Variants in ADAMTSL1 observed in about 807,000 individuals in gnomAD.
ADAMTSL1 encodes ADAMTS-like protein 1.
Under a neutral mutation model 201.8 loss-of-function variants are expected in ADAMTSL1, and 126 were observed. The ratio of observed to expected loss-of-function variants is 0.62; its 90% confidence interval spans 0.54 to 0.72. The LOEUF (loss-of-function observed/expected upper bound fraction) is 0.72. ADAMTSL1 is among the 30% of genes least tolerant of loss of function. The pLI, the probability that ADAMTSL1 is intolerant of heterozygous loss-of-function variation, is 0.00. For missense variants in ADAMTSL1, 2,679 were observed against 2,277.8 expected (o/e 1.18, Z -3.59); for synonymous variants, 1,121 against 903.4 (o/e 1.24, Z -4.32).
In ADAMTSL1 at chr9:18,160,277, G is replaced by A. The variant is rs929929866; in HGVS notation, c.88-3585G>A. On this transcript the variant is annotated intron_variant, in intron 1 of 29. Transcript: ENST00000680146. ...CACAAATTCTAGGCAGTCTTCATAT[G>A]TCCTGGAGAACTATCCTTAGGAGTC... 2.0e-5 allele frequency among the ~76,000 whole-genome samples: 3 copies of A among 152,060 alleles called. No homozygotes were observed. The South Asian group carries it at 6.2e-4, about 32-fold the overall frequency.
At chr9:18,290,669 A>G (rs1269854381) in intron 2 of ADAMTSL1, among the ~76,000 whole-genome samples, 2 of 152,068 alleles carry the variant, frequency 1.3e-5, no homozygotes, top group African/African-American at 4.8e-5. Context: ...GTATTAGACT[A>G]GAAAGGAAAA....
intron 19 of ADAMTSL1, among the ~76,000 whole-genome samples, chr9:18,780,476 T>C (rs934140690): frequency 2.0e-5 from 3 of 152,108 alleles, no homozygotes; most frequent in Non-Finnish European, 4.4e-5. Context: ...GCTAAACAGA[T>C]GTATGTACTG....
At chr9:18,874,485 G>T (rs967209082) in intron 23 of ADAMTSL1, among the ~76,000 whole-genome samples, 1 of 151,992 alleles carries the variant, frequency 6.6e-6, no homozygotes, top group South Asian at 2.1e-4. Context: ...TTTGCTGAGG[G>T]TTCTAATCCT....
intron 11 of ADAMTSL1, 48 bp downstream of exon 11, chr9:18,680,564 T>TC: frequency 6.3e-7 from 1 of 1,595,824 alleles, no homozygotes; most frequent in South Asian, 1.1e-5. Context: ...AGTCCACTCT[T>TC]CCCTCTCATC....
At chr9:18,586,901 G>C (rs1025491763) in intron 4 of ADAMTSL1, among the ~76,000 whole-genome samples, 1 of 152,044 alleles carries the variant, frequency 6.6e-6, no homozygotes, top group African/African-American at 2.4e-5. Flanking sequence ...ATATGCAGAA[G>C]ACTGGAACTG....
At chr9:18,775,433 A>G (rs1005324880) in intron 17 of ADAMTSL1, among the ~76,000 whole-genome samples, 3 of 152,232 alleles carry the variant, frequency 2.0e-5, no homozygotes, top group Non-Finnish European at 4.4e-5. Flanking sequence ...AATTTAAGTA[A>G]CTTGCCAACT....
intron 1 of ADAMTSL1, among the ~76,000 whole-genome samples, chr9:17,939,585 C>T (rs1827151944): frequency 6.6e-6 from 1 of 152,038 alleles, no homozygotes; most frequent in African/African-American, 2.4e-5. Flanking sequence ...AGCTTTAGCT[C>T]CTTTAATGAA....
chr9:18,528,415 G>A (rs1453033732), intron 2 of ADAMTSL1, among the ~76,000 whole-genome samples: 4 of 151,912 alleles, frequency 2.6e-5, no homozygotes, highest in Non-Finnish European at 5.9e-5. Context: ...CACCCCTCAC[G>A]TATACATGTG....
At chr9:18,602,836 C>T (rs1448204474) in intron 4 of ADAMTSL1, among the ~76,000 whole-genome samples, 1 of 152,052 alleles carries the variant, frequency 6.6e-6, no homozygotes, top group African/African-American at 2.4e-5. Flanking sequence ...TTAAGTAGGT[C>T]GGACAATGAG....
chr9:18,086,667 G>A (rs1379517051), intron 1 of ADAMTSL1, among the ~76,000 whole-genome samples: 2 of 152,162 alleles, frequency 1.3e-5, no homozygotes, highest in African/African-American at 2.4e-5. Context: ...CGGTAACTGG[G>A]TTGCTTTGGC....
rs77230212 is a variant in ADAMTSL1, at chr9:18,003,600, A to G, written c.87+96678A>G. The stretch of plus-strand genomic sequence containing the variant: ...ATTGTAGTGTGGATGCTTGATGATA[A>G]AAGTCTGACTTTGCTTCTACTCTTG... On this transcript the variant is annotated intron_variant, in intron 1 of 29. Transcript: ENST00000680146. Among the ~76,000 whole-genome samples the G allele has an allele frequency of 4.9e-4, 74 of 152,198 alleles. No individual in the cohort carries two copies. The East Asian group carries it at 0.012, about 25-fold the overall frequency.
chr9:18,324,410 G>T (rs1219567486), intron 2 of ADAMTSL1, among the ~76,000 whole-genome samples: 2 of 117,798 alleles, frequency 1.7e-5, no homozygotes, highest in Admixed American at 7.7e-5. Context: ...AATACGCAAA[G>T]ATTTTTTTTT....
intron 2 of ADAMTSL1, among the ~76,000 whole-genome samples, chr9:18,513,004 T>C (rs1477516047): frequency 6.6e-6 from 1 of 152,220 alleles, no homozygotes; most frequent in Non-Finnish European, 1.5e-5. Context: ...AGAACAAAGG[T>C]TGGTGGAACC....
At chr9:18,144,205 T>G (rs561565109) in intron 1 of ADAMTSL1, among the ~76,000 whole-genome samples, 1 of 152,040 alleles carries the variant, frequency 6.6e-6, no homozygotes, top group African/African-American at 2.4e-5. Flanking sequence ...CTTTCTTTCT[T>G]TCTTTCTTTC....
intron 2 of ADAMTSL1, among the ~76,000 whole-genome samples, chr9:18,526,493 G>T (rs1395494439): frequency 6.6e-6 from 1 of 152,156 alleles, no homozygotes; most frequent in African/African-American, 2.4e-5. Context: ...GATGTTAGCT[G>T]GTTATTTTGC....
intron 2 of ADAMTSL1, among the ~76,000 whole-genome samples, chr9:18,252,922 T>A (rs1027871081): frequency 1.3e-5 from 2 of 152,320 alleles, no homozygotes; most frequent in Admixed American, 1.3e-4. Flanking sequence ...GAGATAAACA[T>A]ATGTTACACT....
chr9:18,535,705 A>G (rs1201048566), intron 3 of ADAMTSL1, among the ~76,000 whole-genome samples: 1 of 152,216 alleles, frequency 6.6e-6, no homozygotes, highest in Non-Finnish European at 1.5e-5. Context: ...TAGGAAACTT[A>G]CAATCATGGC....
Position 17,925,418 on chromosome 9 carries a change from C to A in ADAMTSL1, c.87+18496C>A, listed in dbSNP as rs1163883757. 3.8e-5 allele frequency among the ~76,000 whole-genome samples: 4 copies of A among 104,910 alleles called. 1 individual carries two copies. Among genetic ancestry groups the A allele is most frequent in the Non-Finnish European group, 8.1e-5 (4 of 49,162 alleles). 68.8% of individuals were successfully genotyped at this position (104,910 alleles called of 152,430 possible). The stretch of plus-strand genomic sequence containing the variant: ...GACACATGCACACGTATGTTTATTG[C>A]GGCATTATTCACAATAGCAAAGACT... On this transcript the variant is annotated intron_variant, in intron 1 of 29. Coordinates refer to the ADAMTSL1 transcript ENST00000680146.
intron 2 of ADAMTSL1, among the ~76,000 whole-genome samples, chr9:18,333,746 T>A (rs1449817895): frequency 1.3e-5 from 2 of 151,976 alleles, no homozygotes; most frequent in African/African-American, 4.8e-5. Flanking sequence ...AAGATGAGAG[T>A]TCATCAGAGG....
Sources: allele counts gnomAD v4.1 joint callset (sites outside exome capture counted in the v4.1 genomes callset), GRCh38; gene constraint gnomAD v4.1.1; transcripts MANE v1.5; gene names NCBI Gene and HGNC (gene_info 2026-07-23, HGNC 2026-07-21).